JMY: variants seen among roughly 807,000 people sequenced by gnomAD.
JMY encodes junction-mediating and -regulatory protein.
In JMY, 46 loss-of-function variants were observed where a neutral mutation model predicts 103.3. The observed-to-expected ratio is 0.45, with a 90% CI of 0.35 to 0.57. The LOEUF is 0.57. JMY is among the 20% of genes least tolerant of loss of function. The pLI is 0.00. For synonymous variants in JMY, 526 were observed against 489.3 expected, an observed-to-expected ratio of 1.07 and a Z score of -0.99; for missense variants, 1,238 against 1,255.2, an observed-to-expected ratio of 0.99 and a Z score of 0.21.
intron 4 of JMY, among the ~76,000 whole-genome samples, chr5:79,299,523 G>A (rs1006548120): frequency 4.1e-4 from 62 of 151,204 alleles, no homozygotes; most frequent in African/African-American, 1.5e-3. Flanking sequence ...TTCACTTTAT[G>A]AGCCATGCCC....
chr5:79,307,090 ATT>A (rs1746908879), intron 7 of JMY, among the ~76,000 whole-genome samples: 1 of 152,092 alleles, frequency 6.6e-6, no homozygotes, highest in Non-Finnish European at 1.5e-5. Flanking sequence ...TTGATAGCTC[ATT>A]TTAACACCAA....
intron 1 of JMY, among the ~76,000 whole-genome samples, chr5:79,262,567 A>G (rs1294218656): frequency 2.6e-5 from 4 of 152,254 alleles, no homozygotes; most frequent in East Asian, 1.9e-4. Context: ...AAGTTATAAA[A>G]TGCATTCCCT....
At chr5:79,238,585 A>G (rs1489870071) in intron 1 of JMY, among the ~76,000 whole-genome samples, 1 of 150,858 alleles carries the variant, frequency 6.6e-6, no homozygotes, top group Admixed American at 6.6e-5. Flanking sequence ...AAAGCAAGTT[A>G]CTGTTTTTAC....
Position 79,236,453 on chromosome 5 carries a change from T to C in JMY, c.-198T>C, listed in dbSNP as rs2112034099. ...CTGCTCCCGGGACGCTTATTGTCCT[T>C]CTCTCGATCCGCGCCACAAAGGAGC... On this transcript the variant is annotated 5_prime_UTR_variant, in exon 1 of 11. Transcript: ENST00000396137. 4.8e-6 allele frequency: 2 copies of C among 419,102 alleles called. No individual in the cohort carries two copies. The highest frequency in any genetic ancestry group is 7.5e-5 in the East Asian group (2 of 26,668). 26.0% of individuals were successfully genotyped at this position (419,102 alleles called of 1,614,324 possible). A position where few individuals can be genotyped will look rare whatever the true frequency, so the allele number is the denominator to read the frequency against.
At chr5:79,270,745 T>C (rs992771884) in intron 1 of JMY, among the ~76,000 whole-genome samples, 24 of 148,264 alleles carry the variant, frequency 1.6e-4, no homozygotes, top group African/African-American at 5.9e-4. Flanking sequence ...ATAAATACTT[T>C]CTCACCATTA....
At chr5:79,305,243 G>GGA (rs1040257340) in intron 6 of JMY, among the ~76,000 whole-genome samples, 1 of 152,120 alleles carries the variant, frequency 6.6e-6, no homozygotes, top group Non-Finnish European at 1.5e-5. Context: ...CTTGAGGTCA[G>GGA]GAGTTCAACC....
chr5:79,242,903 C>T (rs1377145527), intron 1 of JMY, among the ~76,000 whole-genome samples: 1 of 151,998 alleles, frequency 6.6e-6, no homozygotes, highest in African/African-American at 2.4e-5. Context: ...TTTGCTTCAG[C>T]CTCCCAAGTA....
chr5:79,314,377 C>T lies in JMY; in HGVS notation c.2185C>T (p.Gln729Ter). The change falls in exon 9 of 11, where the codon CAG becomes TAG. Residue 729 changes from glutamine (Q) to a stop codon, truncating the protein, a stop_gained. Transcript: ENST00000396137. LOFTEE classifies it high-confidence loss of function. The part of the protein sequence containing the change: ...DHCDSLPSVL[Q>*]VEEKTEEVGE... ...TTGTGACTCTTTACCAAGTGTGTTA[C>T]AGGTAGAAGAGAAAACTGAAGAGGT... The T allele has an allele frequency of 6.2e-7, 1 of 1,614,108 alleles. No homozygotes were observed. The highest frequency in any genetic ancestry group is 8.5e-7 in the Non-Finnish European group (1 of 1,180,022).
chr5:79,315,288 C>G (rs1381746719), intron 9 of JMY, among the ~76,000 whole-genome samples: 2 of 152,028 alleles, frequency 1.3e-5, no homozygotes, highest in Non-Finnish European at 2.9e-5. Flanking sequence ...TATAAAGAAG[C>G]AAAGAAGAAC....
chr5:79,239,035 G>T (rs554992774), intron 1 of JMY, among the ~76,000 whole-genome samples: 2 of 152,246 alleles, frequency 1.3e-5, no homozygotes, highest in Middle Eastern at 3.4e-3. Flanking sequence ...TATAATAGTT[G>T]AACCTTGTTG....
chr5:79,246,804 C>T (rs1369438850), intron 1 of JMY, among the ~76,000 whole-genome samples: 1 of 151,994 alleles, frequency 6.6e-6, no homozygotes, highest in Non-Finnish European at 1.5e-5. Context: ...ATCACTTGAA[C>T]CTGGGAGGTA....
At chr5:79,298,468 C>T (rs900213423) in intron 4 of JMY, among the ~76,000 whole-genome samples, 1 of 152,148 alleles carries the variant, frequency 6.6e-6, no homozygotes, top group African/African-American at 2.4e-5. Flanking sequence ...CCACGAGTCT[C>T]AAGGTAGACA....
Position 79,320,080 on chromosome 5 carries a change from A to C in JMY, c.*4-1526A>C, listed in dbSNP as rs575104885. Among the ~76,000 whole-genome samples the C allele has an allele frequency of 3.9e-5, 6 of 152,272 alleles. No individual in the cohort carries two copies. The South Asian group carries it at 1.0e-3, about 26-fold the overall frequency. ...TGTATGTAATTACATAGAGGTTTAA[A>C]ATAAGTTTCAGGCTGAGTGTGAACT... On this transcript the variant is annotated intron_variant, in intron 10 of 10. Coordinates refer to ENST00000396137, the MANE Select transcript of JMY (RefSeq NM_152405.5).
intron 1 of JMY, among the ~76,000 whole-genome samples, chr5:79,263,686 T>A (rs1268288783): frequency 7.1e-6 from 1 of 140,912 alleles, no homozygotes; most frequent in Non-Finnish European, 1.5e-5. Context: ...GCCACTAAAA[T>A]TTTTTTTTAT....
intron 10 of JMY, among the ~76,000 whole-genome samples, chr5:79,316,926 T>G (rs1747246050): frequency 7.6e-6 from 1 of 131,968 alleles, no homozygotes; most frequent in Admixed American, 7.7e-5. Flanking sequence ...AAAAAAAGGC[T>G]TTCCAGGTTC....
chr5:79,249,522 G>C (rs532703478), intron 1 of JMY, among the ~76,000 whole-genome samples: 17 of 152,286 alleles, frequency 1.1e-4, no homozygotes, highest in African/African-American at 4.1e-4. Flanking sequence ...ACTCTGCATT[G>C]AGCCTTATGA....
At chr5:79,291,094 A>G (rs1746406674) in intron 3 of JMY, 36 bp from the exon 4 acceptor site, 1 of 1,441,986 alleles carries the variant, frequency 6.9e-7, no homozygotes, top group African/African-American at 1.4e-5. Flanking sequence ...TTAAGTTGTT[A>G]TTTGTCTTAA....
At chr5:79,301,149 G>T (rs998465339) in intron 6 of JMY, among the ~76,000 whole-genome samples, 6 of 152,140 alleles carry the variant, frequency 3.9e-5, no homozygotes, top group Non-Finnish European at 7.3e-5. Flanking sequence ...ATTTAAGGAG[G>T]CCCAGCGATG....
chr5:79,255,115 A>C (rs1371519158), intron 1 of JMY, among the ~76,000 whole-genome samples: 1 of 121,104 alleles, frequency 8.3e-6, no homozygotes, highest in Non-Finnish European at 1.7e-5. Context: ...GAAAGGTCAC[A>C]TATCTCTCTC....
Sources: allele counts gnomAD v4.1 joint callset (sites outside exome capture counted in the v4.1 genomes callset), GRCh38; gene constraint gnomAD v4.1.1; transcripts MANE v1.5; gene names NCBI Gene and HGNC (gene_info 2026-07-23, HGNC 2026-07-21).